Variants in ADAMTS6 observed in about 807,000 individuals in gnomAD.
ADAMTS6 encodes A disintegrin and metalloproteinase with thrombospondin motifs 6.
Under a neutral mutation model 144.3 loss-of-function variants are expected in ADAMTS6, and 23 were observed. The observed-to-expected ratio is 0.16, with a 90% CI of 0.11 to 0.23. The LOEUF is 0.23. ADAMTS6 is among the 10% of genes least tolerant of loss of function. The pLI is 1.00. For missense variants in ADAMTS6, 999 were observed against 1,379.6 expected, an observed-to-expected ratio of 0.72 and a Z score of 4.37; for synonymous variants, 444 against 457.5, an observed-to-expected ratio of 0.97 and a Z score of 0.38.
At chr5:65,347,320 C>T (rs1016311759) in intron 7 of ADAMTS6, among the ~76,000 whole-genome samples, 1 of 151,772 alleles carries the variant, frequency 6.6e-6, no homozygotes, top group African/African-American at 2.4e-5. Context: ...CCCAATGGAA[C>T]AGAACAGAGA....
intron 9 of ADAMTS6, among the ~76,000 whole-genome samples, chr5:65,318,033 G>C (rs10940029): frequency 0.57 from 83,536 of 146,132 alleles, 25,072 homozygotes; most frequent in African/African-American, 0.76. Context: ...CGAGATGGTG[G>C]CACTGCACTC....
chr5:65,175,118 C>A (rs1039224944), intron 22 of ADAMTS6, among the ~76,000 whole-genome samples: 1 of 152,020 alleles, frequency 6.6e-6, no homozygotes. Context: ...CCCACACCCC[C>A]CTCACCAGTG....
chr5:65,401,119 C>T (rs1389695442), intron 7 of ADAMTS6, among the ~76,000 whole-genome samples: 1 of 152,094 alleles, frequency 6.6e-6, no homozygotes, highest in Non-Finnish European at 1.5e-5. Flanking sequence ...GACAGCCAGA[C>T]ATGATATACT....
At chr5:65,340,456 A>C (rs1378116533) in intron 7 of ADAMTS6, among the ~76,000 whole-genome samples, 2 of 152,108 alleles carry the variant, frequency 1.3e-5, no homozygotes, top group African/African-American at 4.8e-5. Context: ...TGGTCAAGCA[A>C]ATACACAAAG....
At chr5:65,344,157 A>G (rs1748106766) in intron 7 of ADAMTS6, among the ~76,000 whole-genome samples, 1 of 151,902 alleles carries the variant, frequency 6.6e-6, no homozygotes, top group Non-Finnish European at 1.5e-5. Context: ...TAAAATATTG[A>G]TTTAGCTAAC....
intron 7 of ADAMTS6, among the ~76,000 whole-genome samples, chr5:65,366,020 A>G (rs1490751202): frequency 1.3e-5 from 2 of 151,926 alleles, no homozygotes; most frequent in Non-Finnish European, 2.9e-5. Flanking sequence ...AAAAAAAAAA[A>G]TCTCTTTTGG....
At chr5:65,272,175 T>C (rs1419668054) in intron 12 of ADAMTS6, among the ~76,000 whole-genome samples, 1 of 152,202 alleles carries the variant, frequency 6.6e-6, no homozygotes, top group East Asian at 1.9e-4. Context: ...GCATAATCCT[T>C]GTTGAAACTA....
At chr5:65,188,303 T>TGATGG in intron 21 of ADAMTS6, 83 bp from the exon 22 acceptor site, 1 of 1,298,192 alleles carries the variant, frequency 7.7e-7, no homozygotes, top group Non-Finnish European at 1.1e-6. Flanking sequence ...GCACTTTCAC[T>TGATGG]GATGGACTAC....
intron 18 of ADAMTS6, among the ~76,000 whole-genome samples, chr5:65,222,218 C>T (rs1197386953): frequency 3.9e-5 from 6 of 152,052 alleles, no homozygotes; most frequent in East Asian, 3.9e-4. Context: ...TTTCAAGACC[C>T]GCTGGGAAGC....
At chr5:65,172,307 G>A (rs112846003) in intron 23 of ADAMTS6, among the ~76,000 whole-genome samples, 4 of 150,588 alleles carry the variant, frequency 2.7e-5, no homozygotes, top group African/African-American at 7.3e-5. Context: ...CCAGCTACTC[G>A]GGAGGCTGAG....
At chr5:65,158,757 A>G (rs1201664077) in intron 24 of ADAMTS6, among the ~76,000 whole-genome samples, 1 of 152,160 alleles carries the variant, frequency 6.6e-6, no homozygotes, top group Non-Finnish European at 1.5e-5. Flanking sequence ...CCCTTTGCCA[A>G]AGGCTTTCAG....
At chr5:65,197,693 G>A (rs1755476030) in intron 20 of ADAMTS6, among the ~76,000 whole-genome samples, 1 of 152,076 alleles carries the variant, frequency 6.6e-6, no homozygotes, top group Admixed American at 6.5e-5. Context: ...CCCATTCATT[G>A]TTTAGAAATT....
chr5:65,184,195 A>G (rs1754532783), intron 22 of ADAMTS6, among the ~76,000 whole-genome samples: 1 of 152,208 alleles, frequency 6.6e-6, no homozygotes, highest in African/African-American at 2.4e-5. Context: ...TTAATGTTCC[A>G]TGATTAAGAA....
chr5:65,189,604 G>A (rs1754886916), intron 21 of ADAMTS6, among the ~76,000 whole-genome samples: 1 of 152,106 alleles, frequency 6.6e-6, no homozygotes, highest in Non-Finnish European at 1.5e-5. Flanking sequence ...TTGAAGTTTT[G>A]TTATCTGAAA....
intron 7 of ADAMTS6, among the ~76,000 whole-genome samples, chr5:65,342,992 G>T (rs1485545169): frequency 1.3e-5 from 2 of 151,876 alleles, no homozygotes; most frequent in African/African-American, 4.8e-5. Context: ...ATTTAACCGA[G>T]GAGGTGAAAA....
intron 22 of ADAMTS6, among the ~76,000 whole-genome samples, chr5:65,181,880 C>A (rs1443012887): frequency 6.6e-6 from 1 of 152,188 alleles, no homozygotes; most frequent in East Asian, 1.9e-4. Context: ...GTGCCACTCC[C>A]CTGCCTCCTT....
At chr5:65,285,024 T>G (rs1247301887) in intron 11 of ADAMTS6, among the ~76,000 whole-genome samples, 1 of 152,164 alleles carries the variant, frequency 6.6e-6, no homozygotes, top group Non-Finnish European at 1.5e-5. Context: ...GTTTTAGTAC[T>G]CTGCGTAGGC....
At chr5:65,340,885 G>C (rs1190691577) in intron 7 of ADAMTS6, among the ~76,000 whole-genome samples, 7 of 151,888 alleles carry the variant, frequency 4.6e-5, no homozygotes, top group Non-Finnish European at 1.5e-5. Context: ...TTCGGCAAGA[G>C]AATATAACAA....
chr5:65,323,782 G>A (rs1482304046), intron 9 of ADAMTS6, among the ~76,000 whole-genome samples: 1 of 152,122 alleles, frequency 6.6e-6, no homozygotes, highest in African/African-American at 2.4e-5. Flanking sequence ...AGCACCTGTT[G>A]TTTCCTGACT....
Sources: gnomAD v4.1 joint callset for allele counts (sites outside exome capture counted in the v4.1 genomes callset) on GRCh38, gnomAD v4.1.1 for gene constraint, MANE v1.5 for transcripts, NCBI Gene and HGNC (gene_info 2026-07-23, HGNC 2026-07-21) for gene names.